The following ARHGAP32 variants were observed in gnomAD, a reference collection of about 807,000 sequenced individuals.
ARHGAP32 encodes the protein Rho GTPase activating protein 32.
A neutral mutation model predicts 186.5 loss-of-function variants in ARHGAP32; 51 were observed. That is an observed-to-expected ratio of 0.27 (90% CI 0.22 to 0.35). The LOEUF (loss-of-function observed/expected upper bound fraction) is 0.35. Among genes scored for constraint, ARHGAP32 ranks in the 10% least tolerant of loss-of-function variants. The pLI is 1.00. For missense variants in ARHGAP32, 2,186 were observed against 2,623.5 expected (o/e 0.83, Z 3.64); for synonymous variants, 950 against 964.3 (o/e 0.99, Z 0.27).
At chr11:129,232,018 G>A (rs1430932013) in intron 1 of ARHGAP32, among the ~76,000 whole-genome samples, 5 of 91,204 alleles carry the variant, frequency 5.5e-5, no homozygotes, top group South Asian at 4.6e-4. Flanking sequence ...AAAGTGAGAC[G>A]GACTCAAAAA....
At chr11:129,148,606 G>C (rs1943221148) in intron 2 of ARHGAP32, among the ~76,000 whole-genome samples, 1 of 152,166 alleles carries the variant, frequency 6.6e-6, no homozygotes, top group Admixed American at 6.5e-5. Context: ...GACTGGGCGT[G>C]AATTTCCTTG....
intron 1 of ARHGAP32, among the ~76,000 whole-genome samples, chr11:129,228,300 T>A (rs1240411385): frequency 6.6e-6 from 1 of 151,754 alleles, no homozygotes; most frequent in African/African-American, 2.4e-5. Context: ...AACCTAAAAT[T>A]TAAAAACTGG....
intron 11 of ARHGAP32, among the ~76,000 whole-genome samples, chr11:129,034,601 C>T (rs887825909): frequency 1.3e-5 from 2 of 150,752 alleles, no homozygotes; most frequent in Non-Finnish European, 2.9e-5. Context: ...TAGCTTTATG[C>T]GAGAAAAGAA....
intron 1 of ARHGAP32, among the ~76,000 whole-genome samples, chr11:129,205,746 T>C (rs1944507312): frequency 6.6e-6 from 1 of 152,168 alleles, no homozygotes; most frequent in Non-Finnish European, 1.5e-5. Context: ...TTAACTCTTC[T>C]GGAAAAGGAA....
chr11:129,088,856 C>T (rs1049012455), intron 6 of ARHGAP32, among the ~76,000 whole-genome samples: 4 of 151,842 alleles, frequency 2.6e-5, no homozygotes, highest in African/African-American at 9.7e-5. Flanking sequence ...CTGGGCAACA[C>T]AGCAAAACCT....
intron 1 of ARHGAP32, among the ~76,000 whole-genome samples, chr11:129,190,637 T>C (rs1944251779): frequency 1.3e-5 from 2 of 152,208 alleles, no homozygotes; most frequent in Admixed American, 1.3e-4. Context: ...AAATCTAGGA[T>C]TACAGTACCA....
intron 1 of ARHGAP32, among the ~76,000 whole-genome samples, chr11:129,271,547 G>C (rs11221629): frequency 0.31 from 46,903 of 151,712 alleles, 7,590 homozygotes; most frequent in Middle Eastern, 0.4. Context: ...GACATCCAAG[G>C]AGAGGCATGG....
chr11:129,096,174 G>T (rs188075188), intron 5 of ARHGAP32, among the ~76,000 whole-genome samples: 2 of 152,176 alleles, frequency 1.3e-5, no homozygotes, highest in Non-Finnish European at 1.5e-5. Flanking sequence ...ACATGGTCAT[G>T]AGAGGCAAGG....
chr11:129,189,556 T>C (rs1565462541), intron 1 of ARHGAP32, among the ~76,000 whole-genome samples: 1 of 152,242 alleles, frequency 6.6e-6, no homozygotes, highest in Non-Finnish European at 1.5e-5. Context: ...CTCTAGGAAC[T>C]ATTTTATTCT....
At chr11:129,035,473 C>A (rs1334375509) in intron 11 of ARHGAP32, among the ~76,000 whole-genome samples, 1 of 152,138 alleles carries the variant, frequency 6.6e-6, no homozygotes, top group Non-Finnish European at 1.5e-5. Flanking sequence ...GTTGTTTATA[C>A]CGTAGGCAAA....
intron 1 of ARHGAP32, among the ~76,000 whole-genome samples, chr11:129,209,903 C>G (rs138564378): frequency 6.6e-6 from 1 of 152,240 alleles, no homozygotes; most frequent in Non-Finnish European, 1.5e-5. Flanking sequence ...TAAATCATAA[C>G]CAGAATGTCG....
chr11:129,269,544 T>C (rs1202921798), intron 1 of ARHGAP32, among the ~76,000 whole-genome samples: 1 of 151,994 alleles, frequency 6.6e-6, no homozygotes, highest in Admixed American at 6.6e-5. Flanking sequence ...CTGGACAACA[T>C]AGAGAGACTT....
intron 6 of ARHGAP32, among the ~76,000 whole-genome samples, chr11:129,073,684 G>A (rs924711598): frequency 6.6e-6 from 1 of 150,706 alleles, no homozygotes; most frequent in African/African-American, 2.4e-5. Flanking sequence ...AATAATGACC[G>A]AGACACCAAA....
At chr11:128,981,111 G>T (rs1351427554) in intron 17 of ARHGAP32, among the ~76,000 whole-genome samples, 2 of 152,128 alleles carry the variant, frequency 1.3e-5, no homozygotes, top group African/African-American at 4.8e-5. Context: ...CAATCACTCA[G>T]ATATTTTTAG....
chr11:129,047,972 A>G (rs1377383686), intron 10 of ARHGAP32, among the ~76,000 whole-genome samples: 1 of 152,186 alleles, frequency 6.6e-6, no homozygotes, highest in Non-Finnish European at 1.5e-5. Context: ...CAAAAACCAG[A>G]AATAAGTTCC....
At chr11:129,032,807 T>C (rs953140813) in intron 11 of ARHGAP32, among the ~76,000 whole-genome samples, 2 of 152,156 alleles carry the variant, frequency 1.3e-5, no homozygotes, top group African/African-American at 4.8e-5. Flanking sequence ...AAAGAAAATA[T>C]ACAATGGGCA....
At chr11:129,078,641 C>T (rs1396227692) in intron 6 of ARHGAP32, among the ~76,000 whole-genome samples, 1 of 151,970 alleles carries the variant, frequency 6.6e-6, no homozygotes, top group African/African-American at 2.4e-5. Flanking sequence ...TACAGGCATA[C>T]ACCACCACGC....
chr11:129,058,829 G>C (rs370928799), intron 10 of ARHGAP32, among the ~76,000 whole-genome samples: 21 of 152,380 alleles, frequency 1.4e-4, no homozygotes, highest in Non-Finnish European at 2.2e-4. Flanking sequence ...CTGATGTACA[G>C]TTACCATGAT....
At chr11:129,192,617 A>G (rs913790360), upstream of ARHGAP32, among the ~76,000 whole-genome samples, 1 of 152,214 alleles carries the variant, frequency 6.6e-6, no homozygotes, top group African/African-American at 2.4e-5. Context: ...ACTAGAAAGA[A>G]TAACACCATC....
Sources: allele counts gnomAD v4.1 joint callset (sites outside exome capture counted in the v4.1 genomes callset), GRCh38; gene constraint gnomAD v4.1.1; transcripts MANE v1.5; gene names NCBI Gene and HGNC (gene_info 2026-07-23, HGNC 2026-07-21).